DACH1: variants seen among roughly 807,000 people sequenced by gnomAD.
DACH1 encodes the protein dachshund homolog 1.
Under a neutral mutation model 54.2 loss-of-function variants are expected in DACH1, and 12 were observed. The ratio of observed to expected loss-of-function variants is 0.22; its 90% confidence interval spans 0.14 to 0.36. DACH1 has a LOEUF of 0.36. Ranked by LOEUF, DACH1 falls within the 10% of genes least tolerant of loss-of-function variation. The pLI is 1.00. For synonymous variants in DACH1, 386 were observed against 366.2 expected (o/e 1.05, Z -0.62); for missense variants, 805 against 929.8 (o/e 0.87, Z 1.75).
chr13:71,539,502 C>A (rs1292329263), intron 6 of DACH1, among the ~76,000 whole-genome samples: 1 of 152,012 alleles, frequency 6.6e-6, no homozygotes, highest in Non-Finnish European at 1.5e-5. Flanking sequence ...AGCCCACAAT[C>A]TGCAATATAT....
intron 7 of DACH1, among the ~76,000 whole-genome samples, chr13:71,484,726 G>GTAAA (rs1346676885): frequency 2.0e-5 from 3 of 152,096 alleles, no homozygotes; most frequent in Non-Finnish European, 4.4e-5. Flanking sequence ...GATAAACAAA[G>GTAAA]TAAATAATTT....
intron 6 of DACH1, among the ~76,000 whole-genome samples, chr13:71,545,275 A>G (rs934199238): frequency 2.6e-5 from 4 of 152,040 alleles, no homozygotes; most frequent in Non-Finnish European, 4.4e-5. Context: ...GCTTCCAGTG[A>G]TAGTCATCTC....
At chr13:71,864,422 T>C (rs543534475) in intron 1 of DACH1, among the ~76,000 whole-genome samples, 34 of 152,074 alleles carry the variant, frequency 2.2e-4, no homozygotes, top group Non-Finnish European at 4.3e-4. Flanking sequence ...GCTAGCGCTT[T>C]TTCAACCCAA....
At chr13:71,785,229 C>T (rs767675211) in intron 1 of DACH1, among the ~76,000 whole-genome samples, 19 of 152,094 alleles carry the variant, frequency 1.2e-4, no homozygotes, top group Non-Finnish European at 2.4e-4. Flanking sequence ...TCATCTGCTT[C>T]AATTTCTTTT....
intron 6 of DACH1, among the ~76,000 whole-genome samples, chr13:71,494,359 T>C (rs1879236568): frequency 6.6e-6 from 1 of 152,124 alleles, no homozygotes; most frequent in Non-Finnish European, 1.5e-5. Flanking sequence ...TTTGATACTT[T>C]GAGTTTTGAA....
intron 1 of DACH1, among the ~76,000 whole-genome samples, chr13:71,730,560 TTATA>T (rs1883695346): frequency 6.6e-6 from 1 of 152,146 alleles, no homozygotes; most frequent in South Asian, 2.1e-4. Context: ...ATTTCTTCCT[TTATA>T]TATTGTGTGA....
At chr13:71,491,631 TAAAGTC>T (rs2138209097) in intron 6 of DACH1, among the ~76,000 whole-genome samples, 1 of 152,288 alleles carries the variant, frequency 6.6e-6, no homozygotes, top group South Asian at 2.1e-4. Flanking sequence ...AAATGATTCT[TAAAGTC>T]AATACACAAT....
At chr13:71,552,872 GAGAGAGAGAA>G (rs1355130527) in intron 6 of DACH1, among the ~76,000 whole-genome samples, 1 of 131,164 alleles carries the variant, frequency 7.6e-6, no homozygotes, top group African/African-American at 2.9e-5. Flanking sequence ...GAGAGAGAGA[GAGAGAGAGAA>G]AGAGACAGAA....
intron 7 of DACH1, among the ~76,000 whole-genome samples, chr13:71,482,707 G>A (rs1878140971): frequency 6.6e-6 from 1 of 151,542 alleles, no homozygotes; most frequent in South Asian, 2.1e-4. Context: ...TCTTTTCAGG[G>A]AGAAAAAGAA....
chr13:71,556,452 A>C (rs1393379561), intron 6 of DACH1, among the ~76,000 whole-genome samples: 3 of 152,160 alleles, frequency 2.0e-5, no homozygotes, highest in Admixed American at 1.3e-4. Context: ...TCATGGAATT[A>C]TCAAATAAGG....
At chr13:71,655,791 TC>T (rs1879052957) in intron 2 of DACH1, among the ~76,000 whole-genome samples, 1 of 152,208 alleles carries the variant, frequency 6.6e-6, no homozygotes, top group African/African-American at 2.4e-5. Flanking sequence ...TTTCACTTTT[TC>T]CCATCTTTCT....
chr13:71,532,778 T>C (rs975541923), intron 6 of DACH1, among the ~76,000 whole-genome samples: 9 of 151,990 alleles, frequency 5.9e-5, no homozygotes, highest in African/African-American at 2.2e-4. Flanking sequence ...TGTTTTAGCA[T>C]CTTAAAATAA....
At chr13:71,719,565 A>G (rs1012350504) in intron 1 of DACH1, among the ~76,000 whole-genome samples, 45 of 152,092 alleles carry the variant, frequency 3.0e-4, no homozygotes, top group African/African-American at 9.9e-4. Flanking sequence ...TATTACCTAT[A>G]TTTTTCTTTT....
At chr13:71,603,340 C>T (rs755270195) in intron 3 of DACH1, among the ~76,000 whole-genome samples, 44 of 151,962 alleles carry the variant, frequency 2.9e-4, no homozygotes, top group Non-Finnish European at 5.9e-4. Context: ...AGTTTAAAGT[C>T]ACTGTAAGAG....
chr13:71,441,663 A>T (rs1157117416), intron 10 of DACH1, among the ~76,000 whole-genome samples: 1 of 152,072 alleles, frequency 6.6e-6, no homozygotes, highest in Non-Finnish European at 1.5e-5. Context: ...AAGAAAACAT[A>T]AATGACCTAT....
intron 2 of DACH1, among the ~76,000 whole-genome samples, chr13:71,667,878 T>C (rs1458377000): frequency 6.6e-6 from 1 of 152,162 alleles, no homozygotes; most frequent in Non-Finnish European, 1.5e-5. Context: ...CTTGCATTTA[T>C]ATTCATTTGA....
chr13:71,553,172 T>C (rs1884000631), intron 6 of DACH1, among the ~76,000 whole-genome samples: 1 of 53,696 alleles, frequency 1.9e-5, no homozygotes, highest in East Asian at 6.4e-4. Context: ...CATATATCCA[T>C]ATATGTATAT....
chr13:71,646,351 A>T (rs911233867), intron 2 of DACH1, among the ~76,000 whole-genome samples: 1 of 148,864 alleles, frequency 6.7e-6, no homozygotes, highest in African/African-American at 2.5e-5. Context: ...AAAAAAAAAG[A>T]AAAAAAAAAC....
At chr13:71,543,282 C>T (rs1218460327) in intron 6 of DACH1, among the ~76,000 whole-genome samples, 1 of 152,074 alleles carries the variant, frequency 6.6e-6, no homozygotes, top group Non-Finnish European at 1.5e-5. Flanking sequence ...ACACTGGAAT[C>T]AGCACACATC....
Sources: gnomAD v4.1 joint callset for allele counts (sites outside exome capture counted in the v4.1 genomes callset) on GRCh38, gnomAD v4.1.1 for gene constraint, MANE v1.5 for transcripts, NCBI Gene and HGNC (gene_info 2026-07-23, HGNC 2026-07-21) for gene names.